ITGB1: variants seen among roughly 807,000 people sequenced by gnomAD.
ITGB1 encodes integrin beta-1.
A neutral mutation model predicts 86.5 loss-of-function variants in ITGB1; 24 were observed. The ratio of observed to expected loss-of-function variants is 0.28; its 90% confidence interval spans 0.20 to 0.39. ITGB1 has a LOEUF of 0.39. ITGB1 is among the 10% of genes least tolerant of loss of function. The pLI is 1.00. For synonymous variants in ITGB1, 323 were observed against 316.8 expected (o/e 1.02, Z -0.21); for missense variants, 556 against 946.9 (o/e 0.59, Z 5.42).
intron 9 of ITGB1, among the ~76,000 whole-genome samples, chr10:32,921,300 A>G (rs1204928066): frequency 6.6e-6 from 1 of 152,166 alleles, no homozygotes; most frequent in Non-Finnish European, 1.5e-5. Flanking sequence ...AAAGAACAAG[A>G]GTTAGGAAAA....
intron 11 of ITGB1, among the ~76,000 whole-genome samples, chr10:32,913,615 A>T (rs572544285): frequency 2.6e-5 from 4 of 152,314 alleles, no homozygotes; most frequent in Non-Finnish European, 5.9e-5. Flanking sequence ...GTTTAGAGAA[A>T]AAAAAGAGTA....
chr10:32,907,084 A>C (rs975009221), intron 15 of ITGB1: 1 of 1,359,488 alleles, frequency 7.4e-7, no homozygotes, highest in African/African-American at 1.5e-5. Context: ...GACCAGCTTT[A>C]CGTCCGTAGT....
chr10:32,935,077 G>C (rs1460451040), intron 2 of ITGB1, among the ~76,000 whole-genome samples: 2 of 152,154 alleles, frequency 1.3e-5, no homozygotes. Flanking sequence ...AACATTTTGT[G>C]AGACTTTTTT....
chr10:32,946,749 TGGG>T (rs35757367), intron 1 of ITGB1, among the ~76,000 whole-genome samples: 258 of 25,114 alleles, frequency 0.01, 18 homozygotes, highest in African/African-American at 0.034. Context: ...TATGTATTTC[TGGG>T]GGGGGGGGGG....
At chr10:32,943,397 G>A (rs946732524) in intron 1 of ITGB1, among the ~76,000 whole-genome samples, 1 of 147,968 alleles carries the variant, frequency 6.8e-6, no homozygotes, top group Admixed American at 7.0e-5. Flanking sequence ...CCAAATCTCT[G>A]AGAATACCTC....
rs1250215099 is a variant in ITGB1 at position 32,945,996 on chromosome 10, T to C, written c.1-10438A>G. On this transcript the variant is annotated intron_variant, in intron 1 of 15. Transcript: ENST00000302278. ...TATGTATTGAGGGTTATAATTTTTGTCAGAAATTGACATTATAAGTTCTTG... is the reference window on the plus strand; with the variant it reads ...TATGTATTGAGGGTTATAATTTTTGCCAGAAATTGACATTATAAGTTCTTG... 2.0e-5 allele frequency among the ~76,000 whole-genome samples: 3 copies of C among 152,362 alleles called. No homozygotes were observed. The East Asian group carries it at 5.8e-4, about 29-fold the overall frequency.
intron 11 of ITGB1, among the ~76,000 whole-genome samples, chr10:32,918,821 T>A (rs1197317856): frequency 6.6e-6 from 1 of 152,106 alleles, no homozygotes; most frequent in African/African-American, 2.4e-5. Flanking sequence ...CAAAAAAGTG[T>A]ATGGAAGTTG....
At chr10:32,913,039 C>A (rs1013043010) in intron 11 of ITGB1, among the ~76,000 whole-genome samples, 1 of 152,218 alleles carries the variant, frequency 6.6e-6, no homozygotes, top group Non-Finnish European at 1.5e-5. Context: ...TGGTGATACT[C>A]AGGCAAACAG....
At chr10:32,913,568 A>G (rs2094920902) in intron 11 of ITGB1, among the ~76,000 whole-genome samples, 1 of 152,224 alleles carries the variant, frequency 6.6e-6, no homozygotes, top group Non-Finnish European at 1.5e-5. Context: ...AAAGGATATC[A>G]GTGATTGAAG....
chr10:32,950,438 T>C (rs995459865), intron 1 of ITGB1, among the ~76,000 whole-genome samples: 1 of 152,182 alleles, frequency 6.6e-6, no homozygotes, highest in African/African-American at 2.4e-5. Context: ...CAATTAAAAC[T>C]CAACACTTTT....
rs1227616188 is a variant in ITGB1 at position 32,903,686 on chromosome 10, C to G, written c.2332-2051G>C. 7.2e-5 allele frequency among the ~76,000 whole-genome samples: 11 copies of G among 152,252 alleles called. No individual in the cohort carries two copies. In the South Asian group the frequency reaches 1.7e-3, roughly 23 times the overall value. On this transcript the variant is annotated intron_variant, in intron 15 of 15. Transcript: ENST00000302278. The stretch of plus-strand genomic sequence containing the variant: ...AAACTCAGGATCCCTCAGAGACAAA[C>G]AGCATATAATGTGGATGACAAAACT...
chr10:32,908,935 C>T (rs2094904963), intron 14 of ITGB1, among the ~76,000 whole-genome samples: 1 of 152,098 alleles, frequency 6.6e-6, no homozygotes, highest in Non-Finnish European at 1.5e-5. Flanking sequence ...GTTACAAAAC[C>T]TAATACCGTT....
chr10:32,903,663 ACTCAGGATCCCT>A (rs2094888560), intron 15 of ITGB1, among the ~76,000 whole-genome samples: 1 of 152,086 alleles, frequency 6.6e-6, no homozygotes, highest in Admixed American at 6.6e-5. Context: ...ACATGGACAA[ACTCAGGATCCCT>A]CAGAGACAAA....
intron 1 of ITGB1, chr10:32,955,511 T>A (rs2095050546): frequency 6.6e-6 from 1 of 152,182 alleles, no homozygotes; most frequent in South Asian, 2.1e-4. Context: ...TACAGAATAT[T>A]AATGAATATG....
At chr10:32,949,841 T>C (rs1306442433) in intron 1 of ITGB1, among the ~76,000 whole-genome samples, 2 of 152,196 alleles carry the variant, frequency 1.3e-5, no homozygotes, top group Non-Finnish European at 2.9e-5. Flanking sequence ...TACAAATAAT[T>C]CATTTGGCAT....
At chr10:32,916,451 A>G (rs2094931889) in intron 11 of ITGB1, among the ~76,000 whole-genome samples, 1 of 152,230 alleles carries the variant, frequency 6.6e-6, no homozygotes, top group South Asian at 2.1e-4. Context: ...CCATCGTCTC[A>G]GCCCAAAATC....
chr10:32,941,530 CA>C (rs1161037204), intron 1 of ITGB1, among the ~76,000 whole-genome samples: 2 of 152,048 alleles, frequency 1.3e-5, no homozygotes, highest in African/African-American at 4.8e-5. Flanking sequence ...TACAGAGAGC[CA>C]AATACCATCC....
chr10:32,932,742 C>T, intron 2 of ITGB1, 142 bp from the exon 3 acceptor site: 4 of 562,692 alleles, frequency 7.1e-6, no homozygotes, highest in Non-Finnish European at 1.3e-5. Context: ...TAGACCTTCC[C>T]CAAAGAGAGC....
chr10:32,910,504 A>G lies in ITGB1; in HGVS notation c.1932-49T>C, dbSNP rs769816472. ...GATATTTACATTTTATTATTTCAGT[A>G]AATATTTGCTTAAACATATTTCCCA... is the stretch of plus-strand genomic sequence containing the variant. On this transcript the variant is annotated intron_variant, in intron 13 of 15. Coordinates refer to ENST00000302278, the MANE Select transcript of ITGB1 (RefSeq NM_002211.4). The G allele has an allele frequency of 2.3e-6, 3 of 1,295,632 alleles. No individual in the cohort carries two copies. The South Asian group carries it at 4.2e-5, about 18-fold the overall frequency. 80.3% of individuals were successfully genotyped at this position (1,295,632 alleles called of 1,614,324 possible).
Sources: gnomAD v4.1 joint callset for allele counts (sites outside exome capture counted in the v4.1 genomes callset) on GRCh38, gnomAD v4.1.1 for gene constraint, MANE v1.5 for transcripts, NCBI Gene and HGNC (gene_info 2026-07-23, HGNC 2026-07-21) for gene names.